The following PCCA variants were observed in gnomAD, a reference collection of about 807,000 sequenced individuals.
PCCA encodes the protein propionyl-CoA carboxylase alpha chain, mitochondrial.
Under a neutral mutation model 101.3 loss-of-function variants are expected in PCCA, and 74 were observed. That is an observed-to-expected ratio of 0.73 (90% confidence interval 0.61 to 0.89). The LOEUF (loss-of-function observed/expected upper bound fraction) is 0.89, where lower values mean the gene tolerates loss of function less well. PCCA is among the 40% of genes least tolerant of loss of function. The pLI, the probability that PCCA is intolerant of heterozygous loss-of-function variation, is 0.00. For synonymous variants in PCCA, 294 were observed against 313.6 expected (o/e 0.94, Z 0.66); for missense variants, 891 against 907.0 (o/e 0.98, Z 0.23).
chr13:100,214,166 T>C (rs2059382227), intron 7 of PCCA, among the ~76,000 whole-genome samples: 1 of 152,168 alleles, frequency 6.6e-6, no homozygotes, highest in Admixed American at 6.5e-5. Flanking sequence ...CCAGTTTTGT[T>C]CATTTTCCTC....
At chr13:100,153,761 A>C (rs1468834716) in intron 4 of PCCA, among the ~76,000 whole-genome samples, 1 of 152,186 alleles carries the variant, frequency 6.6e-6, no homozygotes, top group Non-Finnish European at 1.5e-5. Flanking sequence ...TTTTCCCTAC[A>C]ATTGGTATTA....
At chr13:100,116,103 A>G (rs1314095646) in intron 4 of PCCA, among the ~76,000 whole-genome samples, 1 of 152,192 alleles carries the variant, frequency 6.6e-6, no homozygotes, top group African/African-American at 2.4e-5. Context: ...TTGCATCCTC[A>G]GCACGTGATC....
At chr13:100,463,698 C>T (rs900678150) in intron 21 of PCCA, among the ~76,000 whole-genome samples, 26 of 152,112 alleles carry the variant, frequency 1.7e-4, no homozygotes, top group African/African-American at 6.3e-4. Context: ...CTAAGCCATG[C>T]AGTAGATGAA....
At chr13:100,320,435 C>T (rs1229802038) in intron 16 of PCCA, among the ~76,000 whole-genome samples, 1 of 152,154 alleles carries the variant, frequency 6.6e-6, no homozygotes, top group Non-Finnish European at 1.5e-5. Context: ...AGTTTTTGCC[C>T]ATTCAGTATG....
chr13:100,298,105 A>G (rs931260175), intron 12 of PCCA, among the ~76,000 whole-genome samples: 2 of 152,090 alleles, frequency 1.3e-5, no homozygotes, highest in African/African-American at 4.8e-5. Flanking sequence ...TGCTTTTTAG[A>G]AAGAGCACAT....
intron 6 of PCCA, among the ~76,000 whole-genome samples, chr13:100,209,111 T>C (rs1029902407): frequency 6.6e-6 from 1 of 152,214 alleles, no homozygotes; most frequent in African/African-American, 2.4e-5. Flanking sequence ...GAAGGAGTTC[T>C]TCAGTGCTTT....
chr13:100,350,585 G>A (rs1373146445), intron 18 of PCCA, among the ~76,000 whole-genome samples: 1 of 152,200 alleles, frequency 6.6e-6, no homozygotes, highest in Non-Finnish European at 1.5e-5. Context: ...TTAAGTACAA[G>A]ATACTAAGTG....
At chr13:100,277,317 CT>C (rs2063735151) in intron 12 of PCCA, among the ~76,000 whole-genome samples, 1 of 152,122 alleles carries the variant, frequency 6.6e-6, no homozygotes, top group Non-Finnish European at 1.5e-5. Flanking sequence ...AAAAGTATAG[CT>C]TATATTCATA....
At chr13:100,337,017 G>C (rs1796774318) in intron 17 of PCCA, among the ~76,000 whole-genome samples, 1 of 152,146 alleles carries the variant, frequency 6.6e-6, no homozygotes, top group African/African-American at 2.4e-5. Context: ...CTCTGTCGGG[G>C]TTGGGGGAGA....
intron 4 of PCCA, among the ~76,000 whole-genome samples, chr13:100,127,475 T>C (rs572025612): frequency 2.0e-5 from 3 of 152,232 alleles, no homozygotes; most frequent in Non-Finnish European, 2.9e-5. Context: ...AGGGAATTTA[T>C]GTATTTCAGT....
intron 19 of PCCA, among the ~76,000 whole-genome samples, chr13:100,414,496 G>A (rs1332753443): frequency 6.6e-6 from 1 of 152,174 alleles, no homozygotes; most frequent in East Asian, 1.9e-4. Flanking sequence ...TATTATAAGA[G>A]CATTAAATTG....
intron 17 of PCCA, among the ~76,000 whole-genome samples, chr13:100,334,090 C>T (rs2070053201): frequency 6.6e-6 from 1 of 152,020 alleles, no homozygotes; most frequent in African/African-American, 2.4e-5. Context: ...AGAAGAGAAA[C>T]AAAACAAAAC....
chr13:100,128,138 T>A (rs2050148300), intron 4 of PCCA, among the ~76,000 whole-genome samples: 1 of 152,168 alleles, frequency 6.6e-6, no homozygotes, highest in African/African-American at 2.4e-5. Flanking sequence ...AAATTGGGGC[T>A]TCAAGTATAA....
chr13:100,524,959 A>G (rs2087638166), intron 22 of PCCA, among the ~76,000 whole-genome samples: 1 of 149,888 alleles, frequency 6.7e-6, no homozygotes, highest in African/African-American at 2.5e-5. Flanking sequence ...TAGATAGGAT[A>G]GACCGAGATT....
At chr13:100,332,515 T>C (rs529686749) in intron 17 of PCCA, among the ~76,000 whole-genome samples, 12 of 152,138 alleles carry the variant, frequency 7.9e-5, no homozygotes, top group South Asian at 4.1e-4. Flanking sequence ...TATATATATA[T>C]ACACACACAC....
Position 100,401,469 on chromosome 13 carries a change from C to T in PCCA, c.1747-24164C>T, listed in dbSNP as rs188456440. Among the ~76,000 whole-genome samples, 15 of 152,170 alleles carry T rather than the reference C, an allele frequency of 9.9e-5. No homozygotes were observed. The East Asian group carries it at 1.6e-3, about 16-fold the overall frequency. Reference sequence around the variant, plus strand: ...ATGTTGGTCAGGCTGCTTTCGAACTCGTGACCTTGTGATCCACCCACCTTG... The same window carrying T: ...ATGTTGGTCAGGCTGCTTTCGAACTTGTGACCTTGTGATCCACCCACCTTG... On this transcript the variant is annotated intron_variant, in intron 19 of 23. Coordinates refer to ENST00000376285, the MANE Select transcript of PCCA (RefSeq NM_000282.4).
chr13:100,138,286 T>C (rs1292490672), intron 4 of PCCA, among the ~76,000 whole-genome samples: 1 of 152,218 alleles, frequency 6.6e-6, no homozygotes, highest in Non-Finnish European at 1.5e-5. Context: ...TAATACTTTA[T>C]TGATTATAAT....
In PCCA at chr13:100,482,627, T is replaced by C. The variant is rs9557437; in HGVS notation, c.1900-32800T>C. On this transcript the variant is annotated intron_variant, in intron 21 of 23. Coordinates refer to ENST00000376285, the MANE Select transcript of PCCA (RefSeq NM_000282.4). ...TTGTTTTGAGAGAGCGTTCGCTCGT[T>C]CCCCAAGCTGAAATGCAATGGTGCA... Among the ~76,000 whole-genome samples, 668 of 152,332 alleles carry C rather than the reference T, an allele frequency of 4.4e-3. 34 individuals carry two copies. The East Asian group carries it at 0.099, about 23-fold the overall frequency.
chr13:100,444,034 A>G (rs565939251), intron 20 of PCCA, among the ~76,000 whole-genome samples: 1 of 152,166 alleles, frequency 6.6e-6, no homozygotes, highest in East Asian at 1.9e-4. Context: ...TCTTTGTACA[A>G]GATCTGACCT....
Sources: allele counts gnomAD v4.1 joint callset (sites outside exome capture counted in the v4.1 genomes callset), GRCh38; gene constraint gnomAD v4.1.1; transcripts MANE v1.5; gene names NCBI Gene and HGNC (gene_info 2026-07-23, HGNC 2026-07-21).